Variants in PRDM8 observed in about 807,000 individuals in gnomAD.
PRDM8 encodes the protein PR domain zinc finger protein 8.
Under a neutral mutation model 46.5 loss-of-function variants are expected in PRDM8, and 13 were observed. The observed-to-expected ratio is 0.28, with a 90% CI of 0.18 to 0.44. The LOEUF (loss-of-function observed/expected upper bound fraction) is 0.44. Among genes scored for constraint, PRDM8 ranks in the 20% least tolerant of loss-of-function variants. The probability of loss-of-function intolerance (pLI) is 1.00; values close to 1 mark genes in which losing one functional copy is unlikely to be tolerated. For missense variants in PRDM8, 998 were observed against 955.0 expected (o/e 1.04, Z -0.59); for synonymous variants, 473 against 438.4 (o/e 1.08, Z -0.98).
At chr4:80,191,785 T>G (rs1737567225) in intron 2 of PRDM8, among the ~76,000 whole-genome samples, 1 of 152,216 alleles carries the variant, frequency 6.6e-6, no homozygotes, top group South Asian at 2.1e-4. Flanking sequence ...TTAATACCCC[T>G]GGATTAAATC....
chr4:80,193,485 G>C (rs1737705554), upstream of PRDM8, among the ~76,000 whole-genome samples: 1 of 152,206 alleles, frequency 6.6e-6, no homozygotes, highest in African/African-American at 2.4e-5. Context: ...CAAAGTGGTA[G>C]AAAATGAGTT....
In PRDM8 at chr4:80,202,947, C is replaced by T. The variant is rs373726901; in HGVS notation, c.1485C>T (p.Asp495=). ...GCGGGGGCCAGGGCGCCGCGTCGGA[C>T]GAGCGCAAAAGCGCCTTCTCGCAGC... The part of the protein sequence containing the change: ...GAGGGQGAAS[D]ERKSAFSQPA... Residue 495 remains aspartate, a synonymous_variant, in exon 4 of 4, where the codon GAC becomes GAT. Coordinates refer to ENST00000415738, the MANE Select transcript of PRDM8 (RefSeq NM_001099403.2). The T allele has an allele frequency of 2.6e-5, 39 of 1,472,016 alleles. 1 individual carries two copies. The highest frequency in any genetic ancestry group is 2.5e-4 in the African/African-American group (17 of 68,358). 91.2% of individuals were successfully genotyped at this position (1,472,016 alleles called of 1,614,324 possible). A position where few individuals can be genotyped will look rare whatever the true frequency, so the allele number is the denominator to read the frequency against.
chr4:80,195,533 T>TAG (rs369579509), upstream of PRDM8, among the ~76,000 whole-genome samples: 2,598 of 150,546 alleles, frequency 0.017, 65 homozygotes, highest in African/African-American at 0.06. Context: ...TGTGTGTGTG[T>TAG]AGAGAGAGAG....
chr4:80,203,069 G>T lies in PRDM8; in HGVS notation c.1607G>T (p.Arg536Ile). 6.4e-7 allele frequency: 1 copy of T among 1,567,480 alleles called. No homozygotes were observed. The change falls in exon 4 of 4, where the codon AGA (arginine) becomes ATA (isoleucine). Residue 536 changes from arginine (R) to isoleucine (I), a missense_variant. Coordinates refer to ENST00000415738, the MANE Select transcript of PRDM8 (RefSeq NM_001099403.2). ...CHPADGVGPT[R>I]LYPAAADPLA... is the part of the protein sequence containing the mutation. ...CCCGCCGACGGCGTGGGCCCCACCAGACTCTATCCCGCCGCCGCGGACCCT... is the reference window on the plus strand; with the variant it reads ...CCCGCCGACGGCGTGGGCCCCACCATACTCTATCCCGCCGCCGCGGACCCT...
chr4:80,193,391 T>C (rs1292210510), upstream of PRDM8, among the ~76,000 whole-genome samples: 2 of 152,034 alleles, frequency 1.3e-5, no homozygotes, highest in Admixed American at 1.3e-4. Context: ...ATGGCTCTTC[T>C]CGACTCACCA....
At position 80,202,965 on chromosome 4, in the gene PRDM8, C is replaced by T. The variant is rs966208524; in HGVS notation, c.1503C>T (p.Phe501=). The T allele has an allele frequency of 9.4e-6, 14 of 1,491,082 alleles. No individual in the cohort carries two copies. In the African/African-American group the frequency reaches 2.0e-4, roughly 22 times the overall value. The allele number at this position is 1,491,082 out of a possible 1,614,324, so 92.4% of individuals were successfully genotyped here. A position where few individuals can be genotyped will look rare whatever the true frequency, so the allele number is the denominator to read the frequency against. The change falls in exon 4 of 4, where the codon TTC becomes TTT. Residue 501 remains phenylalanine (F), a synonymous_variant. Coordinates refer to ENST00000415738, the MANE Select transcript of PRDM8 (RefSeq NM_001099403.2). ...GAASDERKSA[F]SQPARSFSQL... ...CGTCGGACGAGCGCAAAAGCGCCTT[C>T]TCGCAGCCAGCACGCTCTTTCTCGC...
At chr4:80,199,709 A>ATGTG (rs34334135) in intron 1 of PRDM8, among the ~76,000 whole-genome samples, 2,580 of 132,974 alleles carry the variant, frequency 0.019, 26 homozygotes, top group East Asian at 0.052. Flanking sequence ...ATATATATAT[A>ATGTG]TGTGTGTGTG....
chr4:80,200,027 C>T (rs1738305868), intron 1 of PRDM8, 52 bp from the exon 2 acceptor site: 3 of 1,456,446 alleles, frequency 2.1e-6, no homozygotes, highest in African/African-American at 2.8e-5. Flanking sequence ...GGGTTAATGG[C>T]GTTAAAAGCA....
upstream of PRDM8, among the ~76,000 whole-genome samples, chr4:80,195,498 T>TTGTGTG (rs139174909): frequency 3.3e-5 from 5 of 149,938 alleles, no homozygotes; most frequent in African/African-American, 1.2e-4. Context: ...TGTCCATACT[T>TTGTGTG]TGTGTGTGTG....
At chr4:80,196,714 G>T (rs185552727), upstream of PRDM8, 2,472 of 916,268 alleles carry the variant, frequency 2.7e-3, 5 homozygotes, top group Non-Finnish European at 2.8e-3. Flanking sequence ...CAAGCAGAGG[G>T]GGGGAAAAAC....
Position 80,202,919 on chromosome 4 carries a change from C to T in PRDM8, c.1457C>T (p.Ala486Val), listed in dbSNP as rs1415253181. The T allele has an allele frequency of 1.3e-5, 17 of 1,355,814 alleles. No homozygotes were observed. The highest frequency in any genetic ancestry group is 8.0e-5 in the Admixed American group (2 of 25,078). 84.0% of individuals were successfully genotyped at this position (1,355,814 alleles called of 1,614,324 possible). Residue 486 changes from alanine (A) to valine (V), a missense_variant, in exon 4 of 4, where the codon GCG becomes GTG. Ala to Val is a moderately conservative substitution (Grantham distance 64). Coordinates refer to ENST00000415738, the MANE Select transcript of PRDM8 (RefSeq NM_001099403.2). ...GGTGAGAAGG[A>V]GGGQGAASDE... ...ACGGGCGCCGGGGCCGCAGGCGGCG[C>T]GGGCGGGGGCCAGGGCGCCGCGTCG...
chr4:80,193,262 C>T (rs1340589102), upstream of PRDM8, among the ~76,000 whole-genome samples: 1 of 152,166 alleles, frequency 6.6e-6, no homozygotes, highest in East Asian at 1.9e-4. Context: ...AGTGAGCCAA[C>T]TACAATACTT....
chr4:80,201,666 A>G, intron 3 of PRDM8, 145 bp downstream of exon 3: 5 of 959,196 alleles, frequency 5.2e-6, no homozygotes, highest in Non-Finnish European at 7.8e-6. Flanking sequence ...TCTGGAATGA[A>G]GTTAAACAGA....
chr4:80,196,690 T>G (rs1381308426), upstream of PRDM8: 1 of 940,914 alleles, frequency 1.1e-6, no homozygotes, highest in Admixed American at 6.2e-5. Context: ...CCTCTGGGGC[T>G]GCGCAGAACG....
upstream of PRDM8, among the ~76,000 whole-genome samples, chr4:80,193,597 T>A (rs1737711622): frequency 6.6e-6 from 1 of 152,180 alleles, no homozygotes; most frequent in Non-Finnish European, 1.5e-5. Flanking sequence ...GTCAGTAAAG[T>A]TTATCCCTTA....
At chr4:80,191,443 T>A (rs750618296) in intron 1 of PRDM8, 3 of 137,742 alleles carry the variant, frequency 2.2e-5, no homozygotes, top group Non-Finnish European at 4.5e-5. Context: ...AAGGAGATTA[T>A]GAATAATACC....
chr4:80,196,611 T>A, upstream of PRDM8: 4 of 985,320 alleles, frequency 4.1e-6, no homozygotes, highest in Non-Finnish European at 4.8e-6. Flanking sequence ...GGTAATCATT[T>A]TTATTTTTAA....
At chr4:80,194,625 C>T (rs568893958), upstream of PRDM8, among the ~76,000 whole-genome samples, 47 of 152,170 alleles carry the variant, frequency 3.1e-4, no homozygotes, top group East Asian at 1.7e-3. Flanking sequence ...GTAAGAATTT[C>T]GACTTAATCT....
intron 1 of PRDM8, among the ~76,000 whole-genome samples, chr4:80,187,597 C>T (rs981495521): frequency 9.9e-5 from 15 of 152,174 alleles, no homozygotes; most frequent in African/African-American, 3.1e-4. Context: ...GCCTAATTCA[C>T]CCCAAGATAG....
Sources: allele counts gnomAD v4.1 joint callset (sites outside exome capture counted in the v4.1 genomes callset), GRCh38; gene constraint gnomAD v4.1.1; transcripts MANE v1.5; gene names NCBI Gene and HGNC (gene_info 2026-07-23, HGNC 2026-07-21).